MAGI1: variants seen among roughly 807,000 people sequenced by gnomAD.
MAGI1 encodes the protein membrane associated guanylate kinase, WW and PDZ domain containing 1, also known as membrane-associated guanylate kinase, WW and PDZ domain-containing protein 1.
A neutral mutation model predicts 139.9 loss-of-function variants in MAGI1; 58 were observed. The observed-to-expected ratio is 0.41, with a 90% CI of 0.34 to 0.52. MAGI1 has a LOEUF of 0.52. Among genes scored for constraint, MAGI1 ranks in the 20% least tolerant of loss-of-function variants. The probability of loss-of-function intolerance (pLI) is 0.12; values close to 1 mark genes in which losing one functional copy is unlikely to be tolerated. For missense variants in MAGI1, 1,874 were observed against 1,901.6 expected, an observed-to-expected ratio of 0.99 and a Z score of 0.27; for synonymous variants, 812 against 737.9, an observed-to-expected ratio of 1.10 and a Z score of -1.63.
At chr3:65,842,333 C>T (rs2058835235) in intron 1 of MAGI1, among the ~76,000 whole-genome samples, 1 of 151,384 alleles carries the variant, frequency 6.6e-6, no homozygotes, top group Non-Finnish European at 1.5e-5. Flanking sequence ...TTCAATGTTC[C>T]ATATCCCCTG....
rs2059052242 is a variant in MAGI1 at position 65,847,656 on chromosome 3, C to T, written c.313+190340G>A. ...TGAGCTTACACATCATGGGGAACAA[C>T]CAACACATCATTCAACTATCATTCA... On this transcript the variant is annotated intron_variant, in intron 1 of 22. Transcript: ENST00000402939. 4.6e-5 allele frequency among the ~76,000 whole-genome samples: 7 copies of T among 152,226 alleles called. No individual in the cohort carries two copies. In the South Asian group the frequency reaches 1.4e-3, roughly 32 times the overall value.
intron 1 of MAGI1, among the ~76,000 whole-genome samples, chr3:65,857,243 C>T (rs936643154): frequency 2.6e-5 from 4 of 152,168 alleles, no homozygotes; most frequent in African/African-American, 7.2e-5. Context: ...AGAAAAGAAA[C>T]ATGAGAGAGT....
At chr3:65,730,354 C>A (rs2034061525) in intron 1 of MAGI1, among the ~76,000 whole-genome samples, 1 of 152,222 alleles carries the variant, frequency 6.6e-6, no homozygotes, top group Non-Finnish European at 1.5e-5. Flanking sequence ...AAGCCTGTCA[C>A]CTCATTTTCA....
chr3:65,780,895 T>C (rs1170041539), intron 1 of MAGI1, among the ~76,000 whole-genome samples: 3 of 152,250 alleles, frequency 2.0e-5, no homozygotes, highest in Non-Finnish European at 2.9e-5. Flanking sequence ...TTCTGTTTTA[T>C]GTTTCACTAC....
chr3:65,497,550 C>G (rs1388138008), intron 2 of MAGI1, among the ~76,000 whole-genome samples: 1 of 151,854 alleles, frequency 6.6e-6, no homozygotes, highest in African/African-American at 2.4e-5. Flanking sequence ...AGCCTCCATA[C>G]CAAAGTTCCA....
chr3:65,499,121 T>C, intron 2 of MAGI1: 1 of 786,298 alleles, frequency 1.3e-6, no homozygotes, highest in Non-Finnish European at 1.5e-6. Flanking sequence ...AACTCCACGA[T>C]TTGTTTTAAA....
chr3:65,846,986 A>AAAAAAAAAAAAAAAAAAAAAAAAAAAAC (rs2059026169), intron 1 of MAGI1, among the ~76,000 whole-genome samples: 1 of 151,004 alleles, frequency 6.6e-6, no homozygotes, highest in Non-Finnish European at 1.5e-5. Context: ...CAAAAAAAAA[A>AAAAAAAAAAAAAAAAAAAAAAAAAAAAC]AAAAAAAAAA....
chr3:65,799,219 A>T (rs946467613), intron 1 of MAGI1, among the ~76,000 whole-genome samples: 2 of 152,218 alleles, frequency 1.3e-5, no homozygotes, highest in Admixed American at 1.3e-4. Context: ...TTGCACTTCA[A>T]ACTACAAAAG....
At chr3:65,952,682 C>T (rs1000978813) in intron 1 of MAGI1, among the ~76,000 whole-genome samples, 10 of 152,202 alleles carry the variant, frequency 6.6e-5, no homozygotes, top group East Asian at 1.9e-4. Context: ...AGCGTGGTGG[C>T]GGGCGCCTGT....
At chr3:65,722,211 G>A (rs1401074362) in intron 1 of MAGI1, among the ~76,000 whole-genome samples, 3 of 152,094 alleles carry the variant, frequency 2.0e-5, no homozygotes, top group East Asian at 1.9e-4. Flanking sequence ...TTAGTATGTC[G>A]TGATACAAGT....
intron 1 of MAGI1, among the ~76,000 whole-genome samples, chr3:65,713,248 C>G (rs1259155387): frequency 2.6e-5 from 4 of 152,130 alleles, no homozygotes; most frequent in African/African-American, 4.8e-5. Context: ...GCCATACCAG[C>G]CTTAGCAAAG....
intron 12 of MAGI1, among the ~76,000 whole-genome samples, chr3:65,413,287 C>A (rs1945935522): frequency 6.6e-6 from 1 of 152,126 alleles, no homozygotes; most frequent in Non-Finnish European, 1.5e-5. Context: ...CAACAGAGGC[C>A]ATGCCTGGTA....
intron 1 of MAGI1, among the ~76,000 whole-genome samples, chr3:65,633,611 T>G (rs1002305849): frequency 6.6e-6 from 1 of 152,220 alleles, no homozygotes; most frequent in Admixed American, 6.5e-5. Context: ...AAAATTTGAA[T>G]TAAGCATGGA....
chr3:65,428,622 G>A (rs562380831), intron 12 of MAGI1, among the ~76,000 whole-genome samples: 8 of 152,228 alleles, frequency 5.3e-5, no homozygotes, highest in Non-Finnish European at 1.2e-4. Flanking sequence ...TACCTAAAAG[G>A]AGTCAGGTGT....
intron 1 of MAGI1, among the ~76,000 whole-genome samples, chr3:65,951,027 GGAA>G (rs1560047269): frequency 9.7e-5 from 9 of 93,232 alleles, no homozygotes; most frequent in South Asian, 4.0e-4. Flanking sequence ...AAGGAAGGAA[GGAA>G]GGAAGGAAAG....
intron 1 of MAGI1, among the ~76,000 whole-genome samples, chr3:65,817,232 C>T (rs1290862624): frequency 6.6e-6 from 1 of 152,010 alleles, no homozygotes; most frequent in African/African-American, 2.4e-5. Flanking sequence ...GAACTATATG[C>T]TTTTTTAAAG....
intron 1 of MAGI1, among the ~76,000 whole-genome samples, chr3:66,029,257 T>A (rs1043665975): frequency 6.6e-6 from 1 of 152,164 alleles, no homozygotes; most frequent in Non-Finnish European, 1.5e-5. Context: ...ACACTATATA[T>A]AGCAGTAATT....
intron 1 of MAGI1, among the ~76,000 whole-genome samples, chr3:65,805,478 A>C (rs1273404591): frequency 1.3e-5 from 2 of 152,248 alleles, no homozygotes; most frequent in African/African-American, 4.8e-5. Flanking sequence ...GAATGCTTTT[A>C]CAGTGTTGGT....
chr3:65,686,073 C>T (rs2088001028), intron 1 of MAGI1, among the ~76,000 whole-genome samples: 1 of 152,152 alleles, frequency 6.6e-6, no homozygotes, highest in Non-Finnish European at 1.5e-5. Flanking sequence ...CAAGACTGTA[C>T]GGCTCTGCTG....
Sources: allele counts gnomAD v4.1 joint callset (sites outside exome capture counted in the v4.1 genomes callset), GRCh38; gene constraint gnomAD v4.1.1; transcripts MANE v1.5; gene names NCBI Gene and HGNC (gene_info 2026-07-23, HGNC 2026-07-21).